Variants in DLGAP1 observed in about 807,000 individuals in gnomAD.
DLGAP1 encodes DLG associated protein 1, also known as disks large-associated protein 1.
In DLGAP1, 11 loss-of-function variants were observed where a neutral mutation model predicts 90.8. The ratio of observed to expected loss-of-function variants is 0.12; its 90% CI spans 0.08 to 0.20. The LOEUF is 0.20. DLGAP1 is among the 10% of genes least tolerant of loss of function. The pLI, the probability that DLGAP1 is intolerant of heterozygous loss-of-function variation, is 1.00. For missense variants in DLGAP1, 1,050 were observed against 1,333.8 expected, an observed-to-expected ratio of 0.79 and a Z score of 3.31; for synonymous variants, 558 against 540.7, an observed-to-expected ratio of 1.03 and a Z score of -0.44.
chr18:4,345,950 A>G (rs2081295662), intron 1 of DLGAP1, among the ~76,000 whole-genome samples: 1 of 152,208 alleles, frequency 6.6e-6, no homozygotes, highest in African/African-American at 2.4e-5. Context: ...CTGGGATTAT[A>G]TCTAAGCAAA....
intron 1 of DLGAP1, among the ~76,000 whole-genome samples, chr18:4,212,392 G>T (rs527743669): frequency 1.3e-5 from 2 of 152,022 alleles, no homozygotes; most frequent in South Asian, 2.1e-4. Context: ...TTAAAAGGGC[G>T]CACTGGCTCA....
intron 1 of DLGAP1, among the ~76,000 whole-genome samples, chr18:4,240,847 G>T (rs1568467016): frequency 1.3e-5 from 2 of 152,180 alleles, no homozygotes; most frequent in South Asian, 4.1e-4. Flanking sequence ...CTTCTCAAAA[G>T]TTCCATGTGG....
chr18:3,814,033 G>A (rs746554612), intron 5 of DLGAP1, 26 bp downstream of exon 5: 74 of 1,604,854 alleles, frequency 4.6e-5, no homozygotes, highest in Non-Finnish European at 6.1e-5. Context: ...CTGGACTATC[G>A]CAAGTGCAGG....
intron 1 of DLGAP1, among the ~76,000 whole-genome samples, chr18:4,356,204 A>C (rs2081512096): frequency 6.6e-6 from 1 of 151,024 alleles, no homozygotes; most frequent in Admixed American, 6.6e-5. Context: ...TCTTGGTCTC[A>C]TTTGGAGGTT....
intron 2 of DLGAP1, among the ~76,000 whole-genome samples, chr18:4,054,702 A>C (rs928044687): frequency 6.6e-6 from 1 of 152,218 alleles, no homozygotes; most frequent in African/African-American, 2.4e-5. Context: ...TACAGGTGCT[A>C]ATCTAAATTG....
At chr18:4,107,493 T>C (rs116541930) in intron 2 of DLGAP1, among the ~76,000 whole-genome samples, 1,663 of 152,302 alleles carry the variant, frequency 0.011, 22 homozygotes, top group African/African-American at 0.036. Context: ...CAATGCCTTC[T>C]GCCTCACCAT....
intron 2 of DLGAP1, among the ~76,000 whole-genome samples, chr18:4,066,937 A>G (rs953910687): frequency 1.1e-4 from 16 of 152,206 alleles, no homozygotes; most frequent in African/African-American, 3.9e-4. Flanking sequence ...AATGCTCATC[A>G]ATGATAGACT....
intron 3 of DLGAP1, among the ~76,000 whole-genome samples, chr18:3,904,627 T>C (rs1218047125): frequency 6.6e-6 from 1 of 152,186 alleles, no homozygotes; most frequent in Non-Finnish European, 1.5e-5. Flanking sequence ...CAGGAGAAAA[T>C]GCTCCTGATT....
At chr18:4,206,460 C>T (rs1481499615) in intron 1 of DLGAP1, among the ~76,000 whole-genome samples, 4 of 152,144 alleles carry the variant, frequency 2.6e-5, no homozygotes, top group African/African-American at 9.7e-5. Flanking sequence ...AGTGGCTGCT[C>T]TTCCCTGATG....
At chr18:3,932,305 T>G (rs138162715) in intron 3 of DLGAP1, among the ~76,000 whole-genome samples, 1 of 152,256 alleles carries the variant, frequency 6.6e-6, no homozygotes, top group East Asian at 1.9e-4. Flanking sequence ...TCCCACAGAT[T>G]GCAGGAGTCA....
chr18:3,876,697 A>G (rs945377019), intron 4 of DLGAP1, among the ~76,000 whole-genome samples: 1 of 152,174 alleles, frequency 6.6e-6, no homozygotes, highest in African/African-American at 2.4e-5. Context: ...ATGACGGGTG[A>G]TGTATACATG....
intron 2 of DLGAP1, among the ~76,000 whole-genome samples, chr18:4,085,207 T>G (rs1452294010): frequency 3.3e-5 from 5 of 152,188 alleles, no homozygotes; most frequent in South Asian, 4.1e-4. Flanking sequence ...ATTGTCAGCC[T>G]TTTTAAAAAA....
chr18:4,398,478 C>G (rs2082483903), intron 1 of DLGAP1, among the ~76,000 whole-genome samples: 1 of 152,220 alleles, frequency 6.6e-6, no homozygotes, highest in East Asian at 1.9e-4. Context: ...CTTGGTCCTG[C>G]TTGATCCTGG....
intron 1 of DLGAP1, among the ~76,000 whole-genome samples, chr18:4,175,524 T>A (rs1367189605): frequency 6.7e-6 from 1 of 148,524 alleles, no homozygotes; most frequent in Non-Finnish European, 1.5e-5. Flanking sequence ...TTGCCTAGGT[T>A]TTTTTCTAGG....
intron 7 of DLGAP1, among the ~76,000 whole-genome samples, chr18:3,678,102 CAG>C (rs1239802624): frequency 2.0e-5 from 3 of 151,032 alleles, no homozygotes; most frequent in African/African-American, 7.3e-5. Flanking sequence ...GCTGGGAAGA[CAG>C]GTGTGTGCTA....
intron 7 of DLGAP1, among the ~76,000 whole-genome samples, chr18:3,691,586 A>T (rs1390984788): frequency 1.3e-5 from 2 of 152,108 alleles, no homozygotes; most frequent in African/African-American, 4.8e-5. Context: ...AAACAAAAGA[A>T]GTCCTTTATA....
Position 3,775,465 on chromosome 18 carries a change from A to C in DLGAP1, c.1173-32953T>G, listed in dbSNP as rs8086053. ...CATTCTTTCTTCCTACTGCTCCAGC[A>C]ATGTAGGACATGCCTGCTTCCCTTT... On this transcript the variant is annotated intron_variant, in intron 5 of 12. Transcript: ENST00000315677. The surrounding 1 kb of genome is among the most constrained non-coding windows in gnomAD (Gnocchi z 4.9). Among the ~76,000 whole-genome samples, 79,903 of 151,960 alleles carry C rather than the reference A, an allele frequency of 0.53. 21,837 individuals carry two copies. The highest frequency in any genetic ancestry group is 0.68 in the African/African-American group (28,207 of 41,446).
At chr18:4,363,891 C>G (rs979380775) in intron 1 of DLGAP1, among the ~76,000 whole-genome samples, 4 of 152,064 alleles carry the variant, frequency 2.6e-5, no homozygotes, top group African/African-American at 9.7e-5. Context: ...TTTGAACCAG[C>G]CATCCCATTA....
At position 3,869,294 on chromosome 18, in the gene DLGAP1, G is replaced by A. The variant is rs549635282; in HGVS notation, c.957+9818C>T. ...AAGATTAATCCAGGCTGGTGCAGTGGCTCACAACTGTAATCTCAGCACTTC... is the reference window on the plus strand; with the variant it reads ...AAGATTAATCCAGGCTGGTGCAGTGACTCACAACTGTAATCTCAGCACTTC... On this transcript the variant is annotated intron_variant, in intron 4 of 12. Transcript: ENST00000315677. 4.6e-5 allele frequency among the ~76,000 whole-genome samples: 7 copies of A among 152,306 alleles called. No homozygotes were observed. In the South Asian group the frequency reaches 1.5e-3, roughly 32 times the overall value.
Sources: gnomAD v4.1 joint callset for allele counts (sites outside exome capture counted in the v4.1 genomes callset) on GRCh38, gnomAD v4.1.1 for gene constraint, Gnocchi (gnomAD v3.1) non-coding constraint, MANE v1.5 for transcripts, NCBI Gene and HGNC (gene_info 2026-07-23, HGNC 2026-07-21) for gene names.